KCNQ5: variants seen among roughly 807,000 people sequenced by gnomAD.
KCNQ5 encodes potassium voltage-gated channel subfamily Q member 5.
In KCNQ5, 30 loss-of-function variants were observed where a neutral mutation model predicts 98.2. The ratio of observed to expected loss-of-function variants is 0.31; its 90% CI spans 0.23 to 0.41. The LOEUF is 0.41. KCNQ5 is among the 10% of genes least tolerant of loss of function. The probability of loss-of-function intolerance (pLI) is 1.00; values close to 1 mark genes in which losing one functional copy is unlikely to be tolerated. For synonymous variants in KCNQ5, 458 were observed against 449.4 expected (o/e 1.02, Z -0.24); for missense variants, 835 against 1,182.5 (o/e 0.71, Z 4.31).
At chr6:72,859,609 C>CTCTG (rs33998450) in intron 1 of KCNQ5, among the ~76,000 whole-genome samples, 33,740 of 151,572 alleles carry the variant, frequency 0.22, 4,012 homozygotes, top group East Asian at 0.37. Flanking sequence ...CAGGGTCTCA[C>CTCTG]TCTGTCTGTC....
chr6:72,802,267 T>G (rs1038860430), intron 1 of KCNQ5, among the ~76,000 whole-genome samples: 14 of 152,182 alleles, frequency 9.2e-5, no homozygotes, highest in Non-Finnish European at 1.5e-4. Flanking sequence ...GGTACACCAA[T>G]CAGACGTAGA....
At chr6:72,736,084 TACACAC>T (rs59201837) in intron 1 of KCNQ5, among the ~76,000 whole-genome samples, 1,766 of 148,624 alleles carry the variant, frequency 0.012, 29 homozygotes, top group African/African-American at 0.04. Context: ...TGTGTACACA[TACACAC>T]ACACACACAC....
chr6:72,898,365 C>G (rs188471257), intron 1 of KCNQ5, among the ~76,000 whole-genome samples: 46 of 152,196 alleles, frequency 3.0e-4, no homozygotes, highest in African/African-American at 1.1e-3. Context: ...GTGTTGTTCC[C>G]CTCTCTGTGT....
In KCNQ5 at chr6:72,829,713, A is replaced by G. The variant is rs949999652; in HGVS notation, c.399-174195A>G. ...GAGAAGGAATGTTTCTGGACCAAGG[A>G]TCAGAATAACATTCAGGGAGGAGGT... is the stretch of plus-strand genomic sequence containing the variant. On this transcript the variant is annotated intron_variant, in intron 1 of 13. Coordinates refer to ENST00000370398, the MANE Select transcript of KCNQ5 (RefSeq NM_019842.4). Among the ~76,000 whole-genome samples, 4 of 152,332 alleles carry G rather than the reference A, an allele frequency of 2.6e-5. No individual in the cohort carries two copies. The East Asian group carries it at 7.7e-4, about 29-fold the overall frequency.
At chr6:73,166,879 A>G (rs1777825174) in intron 10 of KCNQ5, among the ~76,000 whole-genome samples, 1 of 152,162 alleles carries the variant, frequency 6.6e-6, no homozygotes, top group African/African-American at 2.4e-5. Context: ...TTTCTGTTTC[A>G]TAAAGACATT....
At chr6:73,171,136 G>A (rs1778000686) in intron 11 of KCNQ5, among the ~76,000 whole-genome samples, 1 of 152,108 alleles carries the variant, frequency 6.6e-6, no homozygotes. Flanking sequence ...ATAAATGTTT[G>A]TGGGGGCAAA....
intron 9 of KCNQ5, among the ~76,000 whole-genome samples, chr6:73,124,856 G>T (rs748558915): frequency 6.8e-6 from 1 of 147,922 alleles, no homozygotes; most frequent in Non-Finnish European, 1.5e-5. Context: ...ATGAAAGAAA[G>T]AAATTTTTTT....
At chr6:72,632,999 A>G (rs901738357) in intron 1 of KCNQ5, among the ~76,000 whole-genome samples, 1 of 152,116 alleles carries the variant, frequency 6.6e-6, no homozygotes, top group African/African-American at 2.4e-5. Flanking sequence ...TATTTGAGAA[A>G]TCTCCAAATT....
intron 1 of KCNQ5, among the ~76,000 whole-genome samples, chr6:72,983,517 T>C (rs1768578807): frequency 6.6e-6 from 1 of 152,228 alleles, no homozygotes; most frequent in Admixed American, 6.5e-5. Flanking sequence ...GGTTTTCAGC[T>C]CCATCAGGTC....
At chr6:72,867,095 T>C (rs1778019295) in intron 1 of KCNQ5, among the ~76,000 whole-genome samples, 1 of 152,198 alleles carries the variant, frequency 6.6e-6, no homozygotes. Context: ...TGTGTATACA[T>C]AGAATTGAAG....
chr6:73,032,819 G>C (rs1408714303), intron 2 of KCNQ5, among the ~76,000 whole-genome samples: 1 of 141,162 alleles, frequency 7.1e-6, no homozygotes, highest in African/African-American at 2.7e-5. Flanking sequence ...GGTTTAGGAT[G>C]GGGGAGGATG....
chr6:73,089,236 T>C (rs1159354789), intron 5 of KCNQ5, among the ~76,000 whole-genome samples: 2 of 152,204 alleles, frequency 1.3e-5, no homozygotes, highest in Non-Finnish European at 2.9e-5. Flanking sequence ...ATAAACAATT[T>C]AATCAATATA....
At chr6:73,171,193 TG>T (rs370014976) in intron 11 of KCNQ5, among the ~76,000 whole-genome samples, 5 of 152,210 alleles carry the variant, frequency 3.3e-5, no homozygotes, top group Admixed American at 6.5e-5. Flanking sequence ...AAACACTATC[TG>T]TAGCAGCAGC....
intron 1 of KCNQ5, among the ~76,000 whole-genome samples, chr6:72,711,186 A>G (rs1769349773): frequency 6.6e-6 from 1 of 152,044 alleles, no homozygotes; most frequent in Non-Finnish European, 1.5e-5. Flanking sequence ...AAGAAGAGAC[A>G]TTAAGAATAA....
chr6:72,720,792 C>G (rs1769916022), intron 1 of KCNQ5, among the ~76,000 whole-genome samples: 1 of 152,060 alleles, frequency 6.6e-6, no homozygotes, highest in African/African-American at 2.4e-5. Context: ...GTTCAAGGTC[C>G]CAGAGATAGT....
rs539264552 is a variant in KCNQ5, at chr6:73,166,059, T to C, written c.1469-3687T>C. Among the ~76,000 whole-genome samples the C allele has an allele frequency of 7.2e-5, 11 of 152,226 alleles. No individual in the cohort carries two copies. The East Asian group carries it at 2.1e-3, about 29-fold the overall frequency. ...GGGGTTAAAGTTCTCATTCTGTCAT[T>C]TATTCTCCAGGTGTCGCTCGGCAAG... On this transcript the variant is annotated intron_variant, in intron 10 of 13. Coordinates refer to ENST00000370398, the MANE Select transcript of KCNQ5 (RefSeq NM_019842.4).
intron 3 of KCNQ5, among the ~76,000 whole-genome samples, chr6:73,053,029 T>C (rs1772314475): frequency 6.6e-6 from 1 of 151,910 alleles, no homozygotes; most frequent in Non-Finnish European, 1.5e-5. Flanking sequence ...ACACATAGGA[T>C]CAAACTAAAG....
intron 1 of KCNQ5, among the ~76,000 whole-genome samples, chr6:72,701,082 G>A (rs918740099): frequency 6.6e-6 from 1 of 152,030 alleles, no homozygotes; most frequent in Non-Finnish European, 1.5e-5. Flanking sequence ...GAGATATGAG[G>A]GGAAATTTCT....
chr6:73,002,459 A>C (rs1769624571), intron 1 of KCNQ5, among the ~76,000 whole-genome samples: 1 of 152,180 alleles, frequency 6.6e-6, no homozygotes, highest in Non-Finnish European at 1.5e-5. Flanking sequence ...TTATTCCATA[A>C]ATTTCTGGGG....
Sources: allele counts gnomAD v4.1 joint callset (sites outside exome capture counted in the v4.1 genomes callset), GRCh38; gene constraint gnomAD v4.1.1; transcripts MANE v1.5; gene names NCBI Gene and HGNC (gene_info 2026-07-23, HGNC 2026-07-21).